SGMS1: variants seen among roughly 807,000 people sequenced by gnomAD.
The protein encoded by SGMS1 is phosphatidylcholine:ceramide cholinephosphotransferase 1.
In SGMS1, 13 loss-of-function variants were observed where a neutral mutation model predicts 46.2. The observed-to-expected ratio is 0.28, with a 90% confidence interval of 0.18 to 0.45. The LOEUF (loss-of-function observed/expected upper bound fraction) is 0.45. Among genes scored for constraint, SGMS1 ranks in the 20% least tolerant of loss-of-function variants. The pLI is 1.00. For synonymous variants in SGMS1, 203 were observed against 187.8 expected (o/e 1.08, Z -0.66); for missense variants, 324 against 519.9 (o/e 0.62, Z 3.66).
At chr10:50,441,197 TGGA>T (rs879713431) in intron 5 of SGMS1, among the ~76,000 whole-genome samples, 3 of 152,190 alleles carry the variant, frequency 2.0e-5, no homozygotes, top group Admixed American at 2.0e-4. Flanking sequence ...TTCTCCCTGG[TGGA>T]GGAGAAGTTA....
chr10:50,617,075 T>A (rs1023136188), intron 1 of SGMS1, among the ~76,000 whole-genome samples: 1 of 151,766 alleles, frequency 6.6e-6, no homozygotes, highest in Admixed American at 6.6e-5. Flanking sequence ...TAAAAAAAAT[T>A]GGGGGGGCAT....
At chr10:50,586,220 T>C (rs1392814688) in intron 2 of SGMS1, among the ~76,000 whole-genome samples, 3 of 152,190 alleles carry the variant, frequency 2.0e-5, no homozygotes, top group Non-Finnish European at 4.4e-5. Flanking sequence ...GTTTGGAAAA[T>C]GGTGGACTTG....
intron 5 of SGMS1, among the ~76,000 whole-genome samples, chr10:50,436,460 G>A (rs138862254): frequency 7.8e-4 from 118 of 152,242 alleles, no homozygotes; most frequent in African/African-American, 2.5e-3. Context: ...AGGTGATTGC[G>A]ATGAAGTTCA....
At chr10:50,328,073 T>A in intron 7 of SGMS1, 1 of 390,062 alleles carries the variant, frequency 2.6e-6, no homozygotes, top group Non-Finnish European at 4.9e-6. Context: ...GTTTTATTAT[T>A]ATTAGGTTCT....
At chr10:50,594,003 G>A (rs1040473822) in intron 1 of SGMS1, among the ~76,000 whole-genome samples, 3 of 152,186 alleles carry the variant, frequency 2.0e-5, no homozygotes, top group African/African-American at 7.2e-5. Flanking sequence ...GATTGCACGT[G>A]TTCAACTCCT....
intron 6 of SGMS1, among the ~76,000 whole-genome samples, chr10:50,350,009 C>T (rs774142794): frequency 2.0e-5 from 3 of 152,128 alleles, no homozygotes; most frequent in Non-Finnish European, 2.9e-5. Flanking sequence ...CAGAAGAAGA[C>T]AGAAAAATGT....
intron 2 of SGMS1, among the ~76,000 whole-genome samples, chr10:50,528,826 A>T (rs1487315762): frequency 6.8e-6 from 1 of 146,222 alleles, no homozygotes; most frequent in Non-Finnish European, 1.5e-5. Context: ...CAACAGAGCA[A>T]GACCCTTCTT....
intron 6 of SGMS1, among the ~76,000 whole-genome samples, chr10:50,390,811 A>G (rs185679550): frequency 9.3e-4 from 142 of 152,318 alleles, no homozygotes; most frequent in African/African-American, 3.3e-3. Context: ...AAGTATCTTG[A>G]GTCTCCAGGA....
intron 6 of SGMS1, among the ~76,000 whole-genome samples, chr10:50,371,661 A>G (rs1279910266): frequency 6.6e-6 from 1 of 152,104 alleles, no homozygotes; most frequent in African/African-American, 2.4e-5. Flanking sequence ...ATGGGCTTCC[A>G]GTCAATATTC....
At chr10:50,603,166 T>C (rs1838663859) in intron 1 of SGMS1, among the ~76,000 whole-genome samples, 1 of 152,256 alleles carries the variant, frequency 6.6e-6, no homozygotes, top group Non-Finnish European at 1.5e-5. Context: ...ATTCTACATC[T>C]ACAGTGTGCT....
At chr10:50,590,296 C>A (rs1838528454) in intron 1 of SGMS1, 49 bp from the exon 2 acceptor site, 1 of 152,306 alleles carries the variant, frequency 6.6e-6, no homozygotes, top group Non-Finnish European at 1.5e-5. Flanking sequence ...AGAATTTTTA[C>A]TCTTAATACT....
intron 1 of SGMS1, among the ~76,000 whole-genome samples, chr10:50,615,397 TATAA>T (rs1838787160): frequency 1.3e-5 from 2 of 152,336 alleles, no homozygotes; most frequent in South Asian, 4.1e-4. Flanking sequence ...TTCAGTACCT[TATAA>T]ATGTTAATAT....
intron 3 of SGMS1, among the ~76,000 whole-genome samples, chr10:50,468,085 A>G (rs1490437677): frequency 6.6e-6 from 1 of 152,200 alleles, no homozygotes; most frequent in African/African-American, 2.4e-5. Flanking sequence ...GATAGTAAAC[A>G]AGCTAGTCTG....
chr10:50,379,401 A>T (rs1395703288), intron 6 of SGMS1, among the ~76,000 whole-genome samples: 1 of 151,398 alleles, frequency 6.6e-6, no homozygotes, highest in African/African-American at 2.4e-5. Context: ...TAATTGAAAA[A>T]TGTATTTATC....
intron 6 of SGMS1, among the ~76,000 whole-genome samples, chr10:50,411,773 A>C (rs1366111630): frequency 1.3e-5 from 2 of 152,162 alleles, no homozygotes; most frequent in Admixed American, 1.3e-4. Flanking sequence ...ATTTTGTATC[A>C]CCAGTTCAGG....
chr10:50,351,823 C>T (rs1177139354), intron 6 of SGMS1, among the ~76,000 whole-genome samples: 1 of 152,144 alleles, frequency 6.6e-6, no homozygotes, highest in African/African-American at 2.4e-5. Context: ...CACCTACCTT[C>T]ACACAGGCTG....
At chr10:50,403,563 C>T (rs1363245065) in intron 6 of SGMS1, among the ~76,000 whole-genome samples, 1 of 151,976 alleles carries the variant, frequency 6.6e-6, no homozygotes, top group East Asian at 1.9e-4. Flanking sequence ...AAGCCAGATG[C>T]TACCCTAGGT....
intron 3 of SGMS1, among the ~76,000 whole-genome samples, chr10:50,477,098 C>T (rs1053579270): frequency 6.6e-6 from 1 of 152,236 alleles, no homozygotes; most frequent in Admixed American, 6.5e-5. Flanking sequence ...GCATCATGCA[C>T]CTGGAAAAGT....
At chr10:50,553,506 C>CA (rs1588875165) in intron 2 of SGMS1, among the ~76,000 whole-genome samples, 2 of 122,606 alleles carry the variant, frequency 1.6e-5, no homozygotes, top group South Asian at 2.4e-4. Context: ...ATTTTTAAGA[C>CA]AAAAAAATCT....
Sources: gnomAD v4.1 joint callset for allele counts (sites outside exome capture counted in the v4.1 genomes callset) on GRCh38, gnomAD v4.1.1 for gene constraint, MANE v1.5 for transcripts, NCBI Gene and HGNC (gene_info 2026-07-23, HGNC 2026-07-21) for gene names.